Variants in SYT1 observed in about 807,000 individuals in gnomAD.
The protein encoded by SYT1 is synaptotagmin 1.
A neutral mutation model predicts 44.8 loss-of-function variants in SYT1; 8 were observed. The observed-to-expected ratio is 0.18, with a 90% CI of 0.10 to 0.32. The LOEUF (loss-of-function observed/expected upper bound fraction) is 0.32. Among genes scored for constraint, SYT1 ranks in the 10% least tolerant of loss-of-function variants. The pLI, the probability that SYT1 is intolerant of heterozygous loss-of-function variation, is 1.00. For missense variants in SYT1, 286 were observed against 509.3 expected (o/e 0.56, Z 4.22); for synonymous variants, 154 against 188.8 (o/e 0.82, Z 1.51).
intron 1 of SYT1, among the ~76,000 whole-genome samples, chr12:78,872,704 C>A (rs1873884648): frequency 6.6e-6 from 1 of 151,544 alleles, no homozygotes; most frequent in African/African-American, 2.4e-5. Context: ...AGGTTTAGTA[C>A]TTTTGACCCA....
At chr12:79,178,829 G>A (rs1035136098) in intron 3 of SYT1, among the ~76,000 whole-genome samples, 3 of 149,560 alleles carry the variant, frequency 2.0e-5, no homozygotes, top group Middle Eastern at 3.4e-3. Flanking sequence ...CCAGGCTGGA[G>A]TGCGATGGCG....
chr12:79,219,561 G>A (rs1875027658), intron 4 of SYT1, among the ~76,000 whole-genome samples: 1 of 151,958 alleles, frequency 6.6e-6, no homozygotes. Context: ...TCTTATGCAT[G>A]TGGATATCCA....
rs192194281 is a variant in SYT1, at chr12:79,287,052, G to A, written c.351+1081G>A. 4.7e-3 allele frequency among the ~76,000 whole-genome samples: 710 copies of A among 152,148 alleles called. 3 individuals carry two copies. Among genetic ancestry groups the A allele is most frequent in the South Asian group, 0.012 (60 of 4,818 alleles). On this transcript the variant is annotated intron_variant, in intron 5 of 10. Transcript: ENST00000261205. ...CAACAGGCATTTTAAGTACATTTGC[G>A]TTGTTTCCTAGTTCATTACACATTC...
intron 8 of SYT1, among the ~76,000 whole-genome samples, chr12:79,301,231 A>G (rs1880135230): frequency 6.6e-6 from 1 of 152,108 alleles, no homozygotes; most frequent in South Asian, 2.1e-4. Context: ...CACAATGCCC[A>G]CTTGTGCAGG....
At chr12:79,374,454 T>G (rs1883913515) in intron 9 of SYT1, among the ~76,000 whole-genome samples, 1 of 152,236 alleles carries the variant, frequency 6.6e-6, no homozygotes, top group Admixed American at 6.5e-5. Flanking sequence ...TCATTGTTAT[T>G]TATTAATGTG....
chr12:79,301,257 T>C (rs1040738076), intron 8 of SYT1, among the ~76,000 whole-genome samples: 3 of 152,172 alleles, frequency 2.0e-5, no homozygotes, highest in Non-Finnish European at 2.9e-5. Flanking sequence ...TGGTTCACAC[T>C]TGTTACTTTC....
chr12:79,396,970 A>C (rs1265492551), intron 9 of SYT1, among the ~76,000 whole-genome samples: 1 of 152,242 alleles, frequency 6.6e-6, no homozygotes, highest in African/African-American at 2.4e-5. Context: ...TTCTTTAAAA[A>C]GGTAACATAT....
At chr12:79,398,968 C>T (rs1199775597) in intron 9 of SYT1, among the ~76,000 whole-genome samples, 11 of 152,210 alleles carry the variant, frequency 7.2e-5, no homozygotes, top group South Asian at 2.1e-4. Flanking sequence ...CACGACCATA[C>T]GAATAACCAG....
intron 3 of SYT1, among the ~76,000 whole-genome samples, chr12:79,183,382 A>T (rs1280265715): frequency 6.6e-6 from 1 of 151,996 alleles, no homozygotes; most frequent in Non-Finnish European, 1.5e-5. Context: ...ACCAGGGATG[A>T]TACTGCCCCC....
intron 4 of SYT1, among the ~76,000 whole-genome samples, chr12:79,245,935 G>A (rs1876826969): frequency 6.6e-6 from 1 of 151,690 alleles, no homozygotes; most frequent in South Asian, 2.1e-4. Context: ...GCCTGAGCAG[G>A]GCATAATTGA....
intron 8 of SYT1, chr12:79,341,225 A>G (rs1052331789): frequency 1.3e-5 from 2 of 152,156 alleles, no homozygotes; most frequent in African/African-American, 2.4e-5. Flanking sequence ...TTTATTTATT[A>G]TTAGTATTAA....
At position 78,905,847 on chromosome 12, in the gene SYT1, A is replaced by G. The variant is rs138029086; in HGVS notation, c.-217+40738A>G. On this transcript the variant is annotated intron_variant, in intron 1 of 10. Transcript: ENST00000261205. ...GTAAATAATGTAAAATCTATTTAAA[A>G]CTCTAATATGGAGAAAAATTACTCT... 3.2e-3 allele frequency among the ~76,000 whole-genome samples: 485 copies of G among 151,968 alleles called. 1 individual carries two copies. Among genetic ancestry groups the G allele is most frequent in the Non-Finnish European group, 5.7e-3 (384 of 67,950 alleles).
At chr12:78,885,195 G>C (rs7955391) in intron 1 of SYT1, among the ~76,000 whole-genome samples, 40,179 of 150,924 alleles carry the variant, frequency 0.27, 5,995 homozygotes, top group South Asian at 0.47. Context: ...TTACCTTTCA[G>C]TGGGGGCAGA....
intron 1 of SYT1, among the ~76,000 whole-genome samples, chr12:78,931,092 G>A (rs1329326400): frequency 4.0e-5 from 6 of 150,178 alleles, no homozygotes; most frequent in Non-Finnish European, 7.4e-5. Context: ...AACCCAGGAG[G>A]CGGAGGATGC....
At chr12:79,224,359 G>A (rs567456164) in intron 4 of SYT1, among the ~76,000 whole-genome samples, 1 of 152,258 alleles carries the variant, frequency 6.6e-6, no homozygotes, top group East Asian at 1.9e-4. Flanking sequence ...ATGATGTAAG[G>A]AAAAATATAA....
At chr12:79,017,050 T>C (rs1199787727) in intron 2 of SYT1, among the ~76,000 whole-genome samples, 2 of 152,120 alleles carry the variant, frequency 1.3e-5, no homozygotes, top group Non-Finnish European at 2.9e-5. Flanking sequence ...TAGAAATCCC[T>C]GGTGGGAATG....
intron 1 of SYT1, among the ~76,000 whole-genome samples, chr12:78,920,896 CAAAT>C (rs1432671410): frequency 6.6e-6 from 1 of 151,942 alleles, no homozygotes; most frequent in African/African-American, 2.4e-5. Flanking sequence ...ATGCAGCTGA[CAAAT>C]AAGGTATTAA....
intron 3 of SYT1, among the ~76,000 whole-genome samples, chr12:79,163,624 A>C (rs148312412): frequency 2.1e-4 from 32 of 152,188 alleles, no homozygotes; most frequent in African/African-American, 6.0e-4. Flanking sequence ...GCCTGTCTAC[A>C]CTGAAAACTC....
intron 2 of SYT1, among the ~76,000 whole-genome samples, chr12:79,012,963 T>C (rs568283763): frequency 2.6e-5 from 4 of 152,140 alleles, no homozygotes; most frequent in East Asian, 1.9e-4. Flanking sequence ...TCCTTTCTAC[T>C]ACAAGGCCCC....
Sources: allele counts gnomAD v4.1 joint callset (sites outside exome capture counted in the v4.1 genomes callset), GRCh38; gene constraint gnomAD v4.1.1; transcripts MANE v1.5; gene names NCBI Gene and HGNC (gene_info 2026-07-23, HGNC 2026-07-21).